The following TYW1B variants were observed in gnomAD, a reference collection of about 807,000 sequenced individuals.
The protein encoded by TYW1B is tRNA-yW synthesizing protein 1 homolog B, also known as S-adenosyl-L-methionine-dependent tRNA 4-demethylwyosine synthase TYW1B.
Under a neutral mutation model 86.9 loss-of-function variants are expected in TYW1B, and 73 were observed. The ratio of observed to expected loss-of-function variants is 0.84; its 90% CI spans 0.70 to 1.02. The LOEUF is 1.02. Ranked by LOEUF, TYW1B falls within the 50% of genes least tolerant of loss-of-function variation. The pLI is 0.00. For synonymous variants in TYW1B, 248 were observed against 292.8 expected, an observed-to-expected ratio of 0.85 and a Z score of 1.56; for missense variants, 637 against 827.4, an observed-to-expected ratio of 0.77 and a Z score of 2.82.
chr7:72,642,896 G>A (rs1273321569), intron 11 of TYW1B, among the ~76,000 whole-genome samples: 3 of 151,860 alleles, frequency 2.0e-5, no homozygotes, highest in South Asian at 2.1e-4. Flanking sequence ...GCGAGACTCC[G>A]TCTCAAAAAA....
At position 72,736,331 on chromosome 7, in the gene TYW1B, G is replaced by T. The variant is rs115551961; in HGVS notation, c.1083-7400C>A. The stretch of plus-strand genomic sequence containing the variant: ...AATAGGCTACGACCTAATGCTTGCT[G>T]GGACCAGTATAAGCATGCCAGGGCA... On this transcript the variant is annotated intron_variant, in intron 8 of 13. Coordinates refer to ENST00000620995, the MANE Select transcript of TYW1B (RefSeq NM_001145440.3). 6.7e-3 allele frequency among the ~76,000 whole-genome samples: 1,025 copies of T among 152,342 alleles called. 13 individuals are homozygous for T. Among genetic ancestry groups the T allele is most frequent in the African/African-American group, 0.021 (883 of 41,580 alleles).
intron 4 of TYW1B, among the ~76,000 whole-genome samples, chr7:72,808,750 C>T (rs1420369079): frequency 6.6e-6 from 1 of 151,950 alleles, no homozygotes; most frequent in Non-Finnish European, 1.5e-5. Flanking sequence ...TGGGGTCGAA[C>T]TCCCGACCTC....
chr7:72,602,833 A>AAC (rs55709140), intron 13 of TYW1B, among the ~76,000 whole-genome samples: 8,215 of 127,088 alleles, frequency 0.065, 106 homozygotes, highest in African/African-American at 0.085. Flanking sequence ...AAGTGCTCAA[A>AAC]ACACACACAC....
intron 8 of TYW1B, among the ~76,000 whole-genome samples, chr7:72,741,443 G>A (rs1452603354): frequency 4.6e-5 from 7 of 152,160 alleles, no homozygotes; most frequent in Admixed American, 3.9e-4. Context: ...AAAAAAAAGT[G>A]TGAAGAAAAT....
At chr7:72,805,085 G>A (rs1206418458) in intron 5 of TYW1B, among the ~76,000 whole-genome samples, 1 of 151,956 alleles carries the variant, frequency 6.6e-6, no homozygotes. Flanking sequence ...AGCCAGTACT[G>A]CTTGAAAATT....
chr7:72,574,765 GTGTGTT>G lies in TYW1B; in HGVS notation c.*727_*732del, dbSNP rs1554428128. The G allele has an allele frequency of 1.0e-6, 1 of 985,224 alleles. No homozygotes were observed. The highest frequency in any genetic ancestry group is 1.2e-6 in the Non-Finnish European group (1 of 829,934). The allele number at this position is 985,224 out of a possible 1,614,324, so 61.0% of individuals were successfully genotyped here. ...AAGAAATGATCCTCTTCAGTCCAAA[GTGTGTT>G]TGTGAGACTAATGACTCCATGCCCT... is the stretch of plus-strand genomic sequence containing the variant. On this transcript the variant is annotated 3_prime_UTR_variant, in exon 14 of 14. Transcript: ENST00000620995.
intron 11 of TYW1B, among the ~76,000 whole-genome samples, chr7:72,652,426 A>G (rs540307064): frequency 7.9e-5 from 12 of 151,726 alleles, no homozygotes; most frequent in Non-Finnish European, 1.3e-4. Flanking sequence ...CATTGTTACA[A>G]TGGAATTCTT....
chr7:72,622,522 G>C (rs376223093), intron 12 of TYW1B, among the ~76,000 whole-genome samples: 1 of 152,112 alleles, frequency 6.6e-6, no homozygotes. Context: ...CACATTTTAC[G>C]TAGGTATCAA....
intron 11 of TYW1B, among the ~76,000 whole-genome samples, chr7:72,655,015 A>AT (rs1813164399): frequency 6.6e-6 from 1 of 152,050 alleles, no homozygotes; most frequent in Admixed American, 6.6e-5. Flanking sequence ...TATCTTTGTA[A>AT]TTTTTCTGTA....
intron 10 of TYW1B, among the ~76,000 whole-genome samples, chr7:72,712,391 C>T (rs1218293946): frequency 2.6e-5 from 4 of 152,094 alleles, no homozygotes; most frequent in Admixed American, 2.6e-4. Context: ...TGCAATGGTG[C>T]GATCTCGGCT....
chr7:72,598,833 C>T (rs1554433148), intron 13 of TYW1B, among the ~76,000 whole-genome samples: 7 of 151,976 alleles, frequency 4.6e-5, no homozygotes, highest in Non-Finnish European at 1.5e-5. Flanking sequence ...CAAAAAGAGC[C>T]CAGAGAGGAA....
In TYW1B at chr7:72,615,338, T is replaced by C. The variant is rs185308278; in HGVS notation, c.1785+1334A>G. Among the ~76,000 whole-genome samples the C allele has an allele frequency of 3.2e-4, 49 of 152,328 alleles. No individual in the cohort carries two copies. In the East Asian group the frequency reaches 7.7e-3, roughly 24 times the overall value. ...TGCCTTGTAGTATAAAAAAGATCAA[T>C]GGACTAGAGGGAGAGAAGGCTGTGA... On this transcript the variant is annotated intron_variant, in intron 13 of 13. Coordinates refer to ENST00000620995, the MANE Select transcript of TYW1B (RefSeq NM_001145440.3).
intron 11 of TYW1B, among the ~76,000 whole-genome samples, chr7:72,681,205 G>C (rs1383920700): frequency 9.4e-6 from 1 of 106,578 alleles, no homozygotes; most frequent in Non-Finnish European, 2.0e-5. Context: ...GGAAATAACA[G>C]AATATACACC....
At chr7:72,795,464 C>G (rs1788288936) in intron 6 of TYW1B, among the ~76,000 whole-genome samples, 1 of 152,002 alleles carries the variant, frequency 6.6e-6, no homozygotes, top group South Asian at 2.1e-4. Flanking sequence ...CTGGATTTGT[C>G]TCATTGTTTC....
At chr7:72,589,793 T>C (rs1387344472) in intron 13 of TYW1B, among the ~76,000 whole-genome samples, 1 of 152,186 alleles carries the variant, frequency 6.6e-6, no homozygotes, top group African/African-American at 2.4e-5. Context: ...GGAGAATCAC[T>C]TGAACCCGGG....
At chr7:72,710,632 C>A (rs1786635282) in intron 10 of TYW1B, among the ~76,000 whole-genome samples, 1 of 152,102 alleles carries the variant, frequency 6.6e-6, no homozygotes, top group South Asian at 2.1e-4. Flanking sequence ...TTGAAACCAG[C>A]CTAACCAACA....
chr7:72,741,008 G>A (rs1221774987), intron 8 of TYW1B, among the ~76,000 whole-genome samples: 1 of 151,944 alleles, frequency 6.6e-6, no homozygotes, highest in Non-Finnish European at 1.5e-5. Flanking sequence ...GGAATTACAG[G>A]CATGAACCAC....
At chr7:72,751,035 A>C (rs533971825) in intron 7 of TYW1B, among the ~76,000 whole-genome samples, 1 of 122,474 alleles carries the variant, frequency 8.2e-6, no homozygotes, top group East Asian at 2.1e-4. Flanking sequence ...AGATTGGGTA[A>C]ATTCCCTTTT....
intron 11 of TYW1B, among the ~76,000 whole-genome samples, chr7:72,662,773 A>T (rs1191052140): frequency 6.6e-6 from 1 of 152,154 alleles, no homozygotes; most frequent in African/African-American, 2.4e-5. Context: ...TGCCATGTAC[A>T]TGAGTTTCTT....
Sources: allele counts gnomAD v4.1 joint callset (sites outside exome capture counted in the v4.1 genomes callset), GRCh38; gene constraint gnomAD v4.1.1; transcripts MANE v1.5; gene names NCBI Gene and HGNC (gene_info 2026-07-23, HGNC 2026-07-21).